CCDC93: variants seen among roughly 807,000 people sequenced by gnomAD.
CCDC93 encodes coiled-coil domain-containing protein 93.
CCDC93 carries 61 observed loss-of-function variants against 108.2 expected under a neutral mutation model. The observed-to-expected ratio is 0.56, with a 90% CI of 0.46 to 0.70. The LOEUF (loss-of-function observed/expected upper bound fraction) is 0.70. Ranked by LOEUF, CCDC93 falls within the 30% of genes least tolerant of loss-of-function variation. CCDC93 has a pLI of 0.00. For missense variants in CCDC93, 685 were observed against 764.2 expected, an observed-to-expected ratio of 0.90 and a Z score of 1.22; for synonymous variants, 276 against 260.4, an observed-to-expected ratio of 1.06 and a Z score of -0.58.
rs1395154737 is a variant in CCDC93, at chr2:117,945,526, T to TA, written c.1350+2dup. ...TGCCAGTCCTGAGCAGGCAGGTACTTACGTCATGAGTCATTGCAGAGGTCA... is the reference window on the plus strand; with the variant it reads ...TGCCAGTCCTGAGCAGGCAGGTACTTAACGTCATGAGTCATTGCAGAGGTCA... On this transcript the variant is annotated splice_region_variant and intron_variant, in intron 17 of 23. Coordinates refer to ENST00000376300, the MANE Select transcript of CCDC93 (RefSeq NM_019044.5). The TA allele has an allele frequency of 6.2e-7, 1 of 1,613,594 alleles. No homozygotes were observed. Among genetic ancestry groups the TA allele is most frequent in the Non-Finnish European group, 8.5e-7 (1 of 1,179,554 alleles).
rs780903452 is a variant in CCDC93, at chr2:117,945,499, A to G, written c.1350+30T>C. 5 of 1,602,106 alleles carry G rather than the reference A, an allele frequency of 3.1e-6. No individual in the cohort carries two copies. In the Admixed American group the frequency reaches 8.3e-5, roughly 27 times the overall value. ...AGCTGGCCGCCTGCCCTCAGGAGACAATGCCAGTCCTGAGCAGGCAGGTAC... is the reference window on the plus strand; with the variant it reads ...AGCTGGCCGCCTGCCCTCAGGAGACGATGCCAGTCCTGAGCAGGCAGGTAC... On this transcript the variant is annotated intron_variant, in intron 17 of 23. Transcript: ENST00000376300.
intron 6 of CCDC93, among the ~76,000 whole-genome samples, chr2:117,987,770 G>T (rs1028471638): frequency 1.3e-5 from 2 of 152,180 alleles, no homozygotes; most frequent in African/African-American, 2.4e-5. Context: ...TGCTTTCCAT[G>T]ATGTGCTCTT....
intron 23 of CCDC93, among the ~76,000 whole-genome samples, chr2:117,926,296 TA>T (rs1678092279): frequency 6.6e-6 from 1 of 150,982 alleles, no homozygotes; most frequent in African/African-American, 2.4e-5. Context: ...AATAGAGACA[TA>T]AAAAACCCTT....
intron 7 of CCDC93, among the ~76,000 whole-genome samples, chr2:117,981,106 G>A (rs1680103491): frequency 6.6e-6 from 1 of 152,002 alleles, no homozygotes; most frequent in Non-Finnish European, 1.5e-5. Flanking sequence ...ACAGACATCT[G>A]GGTTGTTTCT....
chr2:117,999,500 A>T (rs1374880501), intron 4 of CCDC93: 1 of 152,252 alleles, frequency 6.6e-6, no homozygotes, highest in Non-Finnish European at 1.5e-5. Context: ...TCAGATGGGA[A>T]GTAGTGTTCA....
chr2:117,946,853 A>C lies in CCDC93; in HGVS notation c.1254T>G (p.Ile418Met). The C allele has an allele frequency of 6.2e-7, 1 of 1,613,748 alleles. No individual in the cohort carries two copies. The highest frequency in any genetic ancestry group is 8.5e-7 in the Non-Finnish European group (1 of 1,179,662). The change falls in exon 16 of 24, where the codon ATT becomes ATG. Residue 418 changes from isoleucine to methionine, a missense_variant. Transcript: ENST00000376300. ...GTGCTCTCTCAGCTTTCAGGTTTTCAATTTCTTGCTGTAGTCGTGTCATCT... is the reference window on the plus strand; with the variant it reads ...GTGCTCTCTCAGCTTTCAGGTTTTCCATTTCTTGCTGTAGTCGTGTCATCT... Reference protein sequence around the residue: ...REEMTRLQQEIENLKAERAPR... With the variant: ...REEMTRLQQEMENLKAERAPR...
chr2:117,968,716 C>T (rs1216883989), intron 11 of CCDC93, among the ~76,000 whole-genome samples: 1 of 152,176 alleles, frequency 6.6e-6, no homozygotes, highest in African/African-American at 2.4e-5. Context: ...ATCTGGCAGG[C>T]TATTCAATTT....
At chr2:117,925,014 T>A (rs993506037) in intron 23 of CCDC93, among the ~76,000 whole-genome samples, 4 of 152,100 alleles carry the variant, frequency 2.6e-5, no homozygotes, top group African/African-American at 7.2e-5. Flanking sequence ...GAATTTCATA[T>A]CCAGCCAAAC....
intron 12 of CCDC93, 97 bp from the exon 13 acceptor site, chr2:117,952,532 T>G (rs1679090388): frequency 2.2e-6 from 2 of 928,964 alleles, no homozygotes; most frequent in African/African-American, 3.3e-5. Context: ...TCAGAAAGAT[T>G]TAAACTGAGC....
intron 2 of CCDC93, among the ~76,000 whole-genome samples, chr2:118,008,181 C>G (rs368609169): frequency 6.6e-6 from 1 of 152,238 alleles, no homozygotes; most frequent in South Asian, 2.1e-4. Flanking sequence ...CGCAGAATAT[C>G]TGGCAACCGT....
intron 6 of CCDC93, among the ~76,000 whole-genome samples, chr2:117,986,530 C>CT (rs1680325158): frequency 6.6e-6 from 1 of 152,116 alleles, no homozygotes; most frequent in Non-Finnish European, 1.5e-5. Context: ...TTCTTCCCTA[C>CT]TACCCGGGTT....
chr2:117,926,366 T>G (rs1176455788), intron 23 of CCDC93, among the ~76,000 whole-genome samples: 1 of 151,978 alleles, frequency 6.6e-6, no homozygotes, highest in African/African-American at 2.4e-5. Context: ...ATTGATAGAC[T>G]GCTAGCAAGA....
At chr2:117,935,766 G>A in intron 21 of CCDC93, 187 bp from the exon 22 acceptor site, 1 of 420,388 alleles carries the variant, frequency 2.4e-6, no homozygotes. Flanking sequence ...CTCTGAGAAG[G>A]CATGGAAATT....
intron 11 of CCDC93, among the ~76,000 whole-genome samples, chr2:117,968,989 A>G (rs1227941082): frequency 6.6e-6 from 1 of 152,120 alleles, no homozygotes; most frequent in Non-Finnish European, 1.5e-5. Context: ...TAAGCAAACC[A>G]TGGTAGACAA....
intron 18 of CCDC93, among the ~76,000 whole-genome samples, chr2:117,941,755 C>T (rs1678708767): frequency 6.6e-6 from 1 of 152,212 alleles, no homozygotes; most frequent in South Asian, 2.1e-4. Context: ...GCAACCTACT[C>T]CTCAAATACT....
chr2:117,941,546 G>A (rs182613589), intron 18 of CCDC93, among the ~76,000 whole-genome samples: 18 of 152,206 alleles, frequency 1.2e-4, no homozygotes, highest in South Asian at 2.1e-4. Context: ...TGGACCAGGA[G>A]GGAAGATACT....
chr2:117,924,850 G>A (rs1553449895), intron 23 of CCDC93, among the ~76,000 whole-genome samples: 1 of 151,950 alleles, frequency 6.6e-6, no homozygotes, highest in Non-Finnish European at 1.5e-5. Context: ...AGTTGAAATG[G>A]AAAAAATGTT....
intron 11 of CCDC93, among the ~76,000 whole-genome samples, chr2:117,965,688 C>T (rs1679541636): frequency 6.6e-6 from 1 of 152,122 alleles, no homozygotes. Context: ...TTTATGTTTT[C>T]ACAGGTTGAC....
At chr2:117,957,158 TG>T (rs1236447379) in intron 12 of CCDC93, among the ~76,000 whole-genome samples, 1 of 152,232 alleles carries the variant, frequency 6.6e-6, no homozygotes, top group Non-Finnish European at 1.5e-5. Context: ...CCCAAAGTGC[TG>T]GGATTACAGG....
Sources: allele counts gnomAD v4.1 joint callset (sites outside exome capture counted in the v4.1 genomes callset), GRCh38; gene constraint gnomAD v4.1.1; transcripts MANE v1.5; gene names NCBI Gene and HGNC (gene_info 2026-07-23, HGNC 2026-07-21).